RP1L1: variants seen among roughly 807,000 people sequenced by gnomAD.
RP1L1 encodes retinitis pigmentosa 1-like 1 protein.
A neutral mutation model predicts 15.7 loss-of-function variants in RP1L1; 27 were observed. The ratio of observed to expected loss-of-function variants is 1.72; its 90% CI spans 1.27 to 2.38. The LOEUF (loss-of-function observed/expected upper bound fraction) is 2.38. RP1L1 is among the 30% of genes most tolerant of loss of function. The pLI is 0.00. For missense variants in RP1L1, 4,798 were observed against 3,075.9 expected (o/e 1.56, Z -13.24); for synonymous variants, 1,813 against 1,276.7 (o/e 1.42, Z -8.96).
chr8:10,625,014 A>G (rs1380013196), intron 1 of RP1L1, among the ~76,000 whole-genome samples: 1 of 152,182 alleles, frequency 6.6e-6, no homozygotes, highest in African/African-American at 2.4e-5. Flanking sequence ...CACTTTGTCC[A>G]GTGGATGACA....
chr8:10,625,100 G>T lies in RP1L1; in HGVS notation c.-19-1880C>A, dbSNP rs1459550741. 2.0e-5 allele frequency among the ~76,000 whole-genome samples: 3 copies of T among 152,196 alleles called. No individual in the cohort carries two copies. The East Asian group carries it at 5.8e-4, about 29-fold the overall frequency. ...CTGAGGGTGAACAATCAGCTGATACGCAAAATCGCGTATCAGTCACTTTTC... is the reference window on the plus strand; with the variant it reads ...CTGAGGGTGAACAATCAGCTGATACTCAAAATCGCGTATCAGTCACTTTTC... On this transcript the variant is annotated intron_variant, in intron 1 of 3. Transcript: ENST00000382483.
intron 3 of RP1L1, among the ~76,000 whole-genome samples, chr8:10,615,558 G>A (rs1040656515): frequency 5.3e-5 from 8 of 152,094 alleles, no homozygotes; most frequent in African/African-American, 1.9e-4. Context: ...TTTGAGGCAG[G>A]GTCTCTGTTG....
At chr8:10,617,932 A>G (rs1475562967) in intron 2 of RP1L1, among the ~76,000 whole-genome samples, 2 of 152,102 alleles carry the variant, frequency 1.3e-5, no homozygotes, top group East Asian at 3.9e-4. Context: ...CGCACCCACT[A>G]AACGGTAGCT....
intron 2 of RP1L1, chr8:10,621,457 C>T (rs578044310): frequency 1.4e-5 from 4 of 277,832 alleles, no homozygotes; most frequent in South Asian, 1.3e-4. Flanking sequence ...TCCCGAGTAG[C>T]TGGGATTACA....
At position 10,608,084 on chromosome 8, in the gene RP1L1, G is replaced by T; in HGVS notation, c.6014C>A (p.Ala2005Asp). Residue 2005 changes from alanine to aspartate, a missense_variant, in exon 4 of 4, where the codon GCT (alanine) becomes GAT (aspartate). Coordinates refer to ENST00000382483, the MANE Select transcript of RP1L1 (RefSeq NM_178857.6). Reference protein sequence around the residue: ...PESEDVEAPEAEGEMQEAEEE... With the variant: ...PESEDVEAPEDEGEMQEAEEE... ...TTCTGCCTCTTGCATCTCCCCTTCAGCCTCTGGGGCCTCTACATCTTCTGA... is the reference window on the plus strand; with the variant it reads ...TTCTGCCTCTTGCATCTCCCCTTCATCCTCTGGGGCCTCTACATCTTCTGA... The T allele has an allele frequency of 6.2e-7, 1 of 1,606,400 alleles. No individual in the cohort carries two copies. The highest frequency in any genetic ancestry group is 8.5e-7 in the Non-Finnish European group (1 of 1,178,390).
At chr8:10,637,210 G>GT (rs1164257569) in intron 1 of RP1L1, among the ~76,000 whole-genome samples, 1 of 152,220 alleles carries the variant, frequency 6.6e-6, no homozygotes, top group Non-Finnish European at 1.5e-5. Flanking sequence ...TCCCCACGTA[G>GT]TAAGGGGCGT....
chr8:10,629,039 G>C (rs1368609284), intron 1 of RP1L1, among the ~76,000 whole-genome samples: 2 of 152,224 alleles, frequency 1.3e-5, no homozygotes, highest in Non-Finnish European at 2.9e-5. Context: ...CACATCACAA[G>C]TGCTGGACAA....
chr8:10,609,603 C>G lies in RP1L1; in HGVS notation c.4495G>C (p.Ala1499Pro). 1 of 1,606,498 alleles carries G rather than the reference C, an allele frequency of 6.2e-7. No homozygotes were observed. The highest frequency in any genetic ancestry group is 1.1e-5 in the South Asian group (1 of 91,018). Residue 1499 changes from alanine to proline, a missense_variant, in exon 4 of 4, where the codon GCT becomes CCT. Coordinates refer to ENST00000382483, the MANE Select transcript of RP1L1 (RefSeq NM_178857.6). Reference sequence around the variant, plus strand: ...GCCACCGAAGAGCTCCTCTCTGCAGCCCCCTGGGTGGGTTGGGCCTGCGTG... The same window carrying G: ...GCCACCGAAGAGCTCCTCTCTGCAGGCCCCTGGGTGGGTTGGGCCTGCGTG... ...EHTQAQPTQG[A>P]AERSSSVACS...
At chr8:10,645,589 A>G (rs1798464809) in intron 1 of RP1L1, among the ~76,000 whole-genome samples, 1 of 152,078 alleles carries the variant, frequency 6.6e-6, no homozygotes, top group African/African-American at 2.4e-5. Context: ...CAAGAACCCC[A>G]GGTAACTCGG....
chr8:10,612,476 G>T lies in RP1L1; in HGVS notation c.1622C>A (p.Ser541Tyr). The change falls in exon 4 of 4, where the codon TCT becomes TAT. Residue 541 changes from serine (S) to tyrosine (Y), a missense_variant. Coordinates refer to ENST00000382483, the MANE Select transcript of RP1L1 (RefSeq NM_178857.6). ...ACCCCATTCGCTGGATCCCTCATGA[G>T]AGCCGGTGCTGGCTGACGAGTCCGA... is the stretch of plus-strand genomic sequence containing the variant. ...ASSDSSASTGSHEGSSEWGGR... is the reference protein window; with the variant it reads ...ASSDSSASTGYHEGSSEWGGR... The T allele has an allele frequency of 1.9e-6, 3 of 1,612,644 alleles. No individual in the cohort carries two copies. The highest frequency in any genetic ancestry group is 2.5e-6 in the Non-Finnish European group (3 of 1,180,004).
At chr8:10,625,310 G>T (rs1798139013) in intron 1 of RP1L1, among the ~76,000 whole-genome samples, 1 of 152,174 alleles carries the variant, frequency 6.6e-6, no homozygotes, top group Non-Finnish European at 1.5e-5. Flanking sequence ...GGTCACAGAA[G>T]CTCCCAGGAG....
intron 3 of RP1L1, among the ~76,000 whole-genome samples, chr8:10,614,615 C>T (rs1348896335): frequency 1.4e-5 from 2 of 139,616 alleles, no homozygotes; most frequent in Non-Finnish European, 3.0e-5. Flanking sequence ...GAGCCTAGAT[C>T]GCATCACTGC....
intron 1 of RP1L1, among the ~76,000 whole-genome samples, chr8:10,647,636 A>G (rs1798498908): frequency 6.6e-6 from 1 of 152,242 alleles, no homozygotes; most frequent in Non-Finnish European, 1.5e-5. Context: ...TCATGTCTCC[A>G]ACATTTCAAC....
intron 3 of RP1L1, among the ~76,000 whole-genome samples, chr8:10,614,665 A>C (rs1168497633): frequency 2.8e-4 from 42 of 150,328 alleles, no homozygotes; most frequent in African/African-American, 9.7e-4. Flanking sequence ...TGTCGTCAAA[A>C]AAAAAAAAAA....
At chr8:10,643,941 A>G (rs557095856) in intron 1 of RP1L1, among the ~76,000 whole-genome samples, 56 of 152,064 alleles carry the variant, frequency 3.7e-4, no homozygotes, top group Admixed American at 3.1e-3. Flanking sequence ...TCTATCAAGC[A>G]GGTAGACATG....
intron 1 of RP1L1, among the ~76,000 whole-genome samples, chr8:10,649,821 G>A (rs1286283464): frequency 6.6e-6 from 1 of 152,174 alleles, no homozygotes; most frequent in Non-Finnish European, 1.5e-5. Context: ...GCAATTCCCT[G>A]AAGCCCATGA....
intron 1 of RP1L1, among the ~76,000 whole-genome samples, chr8:10,641,583 G>T (rs10090879): frequency 0.43 from 65,549 of 152,110 alleles, 15,304 homozygotes; most frequent in African/African-American, 0.55. Flanking sequence ...GTTAAAGAAA[G>T]AGCTTTTAAC....
At chr8:10,654,623 AACAG>A in intron 1 of RP1L1, among the ~76,000 whole-genome samples, 1 of 152,286 alleles carries the variant, frequency 6.6e-6, no homozygotes, top group Non-Finnish European at 1.5e-5. Flanking sequence ...AGGTGGGAGA[AACAG>A]ACAGGCTGTG....
At chr8:10,635,717 C>T (rs549611193) in intron 1 of RP1L1, among the ~76,000 whole-genome samples, 6 of 152,224 alleles carry the variant, frequency 3.9e-5, no homozygotes, top group East Asian at 1.9e-4. Flanking sequence ...GTAAGAGCAG[C>T]GAGTGCTTGT....
Sources: allele counts gnomAD v4.1 joint callset (sites outside exome capture counted in the v4.1 genomes callset), GRCh38; gene constraint gnomAD v4.1.1; transcripts MANE v1.5; gene names NCBI Gene and HGNC (gene_info 2026-07-23, HGNC 2026-07-21).